Variants in GABRB1 observed in about 807,000 individuals in gnomAD.
GABRB1 encodes gamma-aminobutyric acid type A receptor subunit beta1.
Under a neutral mutation model 51.6 loss-of-function variants are expected in GABRB1, and 17 were observed. That is an observed-to-expected ratio of 0.33 (90% CI 0.23 to 0.49). GABRB1 has a LOEUF of 0.49. Ranked by LOEUF, GABRB1 falls within the 20% of genes least tolerant of loss-of-function variation. GABRB1 has a pLI of 0.99. For synonymous variants in GABRB1, 247 were observed against 218.9 expected (o/e 1.13, Z -1.14); for missense variants, 410 against 600.6 (o/e 0.68, Z 3.32).
rs150191375 is a variant in GABRB1 at position 47,266,843 on chromosome 4, T to C, written c.462-53284T>C. On this transcript the variant is annotated intron_variant, in intron 4 of 8. Coordinates refer to ENST00000295454, the MANE Select transcript of GABRB1 (RefSeq NM_000812.4). The stretch of plus-strand genomic sequence containing the variant: ...GTTCAGTGTTTCTTTGCTGATTTTC[T>C]GTCTTGATGATCTGCTTAATGCTTT... Among the ~76,000 whole-genome samples, 35 of 152,292 alleles carry C rather than the reference T, an allele frequency of 2.3e-4. No individual in the cohort carries two copies. The East Asian group carries it at 6.6e-3, about 29-fold the overall frequency.
At chr4:47,029,914 A>G (rs148265882), upstream of GABRB1, among the ~76,000 whole-genome samples, 162 of 152,250 alleles carry the variant, frequency 1.1e-3, 2 homozygotes, top group African/African-American at 3.4e-3. Context: ...CAGTTTCTAT[A>G]TAGCACAATA....
At chr4:47,370,482 A>G (rs1453872864) in intron 5 of GABRB1, among the ~76,000 whole-genome samples, 1 of 107,202 alleles carries the variant, frequency 9.3e-6, no homozygotes, top group Non-Finnish European at 2.1e-5. Flanking sequence ...ACGAGACTCC[A>G]TCTCAAAAAA....
In GABRB1 at chr4:47,350,760, C is replaced by CATCGTGT. The variant is rs1726298070; in HGVS notation, c.544+30551_544+30552insATCGTGT. On this transcript the variant is annotated intron_variant, in intron 5 of 8. Transcript: ENST00000295454. ...TAGAGTGCTATAAACCCTGATGACA[C>CATCGTGT]GATGCAAACAAATCAACTCTGGATT... 2.6e-5 allele frequency among the ~76,000 whole-genome samples: 4 copies of CATCGTGT among 152,062 alleles called. No individual in the cohort carries two copies. In the South Asian group the frequency reaches 8.3e-4, roughly 32 times the overall value.
intron 4 of GABRB1, among the ~76,000 whole-genome samples, chr4:47,181,958 C>T (rs1718967636): frequency 6.6e-6 from 1 of 151,970 alleles, no homozygotes; most frequent in African/African-American, 2.4e-5. Context: ...AGGGATCCAA[C>T]TGTGTTTGGA....
At chr4:47,164,302 C>A (rs979147912) in intron 4 of GABRB1, among the ~76,000 whole-genome samples, 1 of 152,000 alleles carries the variant, frequency 6.6e-6, no homozygotes, top group African/African-American at 2.4e-5. Context: ...ATTTTAATTC[C>A]CCTGATGTAA....
intron 1 of GABRB1, among the ~76,000 whole-genome samples, chr4:46,997,399 G>C (rs1724032432): frequency 6.7e-6 from 1 of 150,298 alleles, no homozygotes; most frequent in Non-Finnish European, 1.5e-5. Flanking sequence ...TTGTACATTA[G>C]ATCTTATTAT....
chr4:47,305,903 G>T (rs1420475022), intron 4 of GABRB1, among the ~76,000 whole-genome samples: 1 of 151,980 alleles, frequency 6.6e-6, no homozygotes, highest in Non-Finnish European at 1.5e-5. Flanking sequence ...AGATATTTTG[G>T]GATATTTTGG....
rs1476686797 is a variant in GABRB1, at chr4:47,095,356, G to A, written c.240+62872G>A. On this transcript the variant is annotated intron_variant, in intron 3 of 8. Coordinates refer to ENST00000295454, the MANE Select transcript of GABRB1 (RefSeq NM_000812.4). ...CAGTAGTCTGTGGGTGCAGCAATAC[G>A]TGAATGATACTGCAGTGCCAAGGAG... Among the ~76,000 whole-genome samples the A allele has an allele frequency of 5.3e-5, 8 of 152,158 alleles. 1 individual carries two copies. The highest frequency in any genetic ancestry group is 3.3e-4 in the Admixed American group (5 of 15,262).
At chr4:47,086,344 C>T (rs1728059615) in intron 3 of GABRB1, among the ~76,000 whole-genome samples, 3 of 152,118 alleles carry the variant, frequency 2.0e-5, no homozygotes, top group South Asian at 4.2e-4. Context: ...TTTTATTTTC[C>T]TTCAAGATAA....
chr4:47,151,482 A>G (rs1040235978), intron 3 of GABRB1, among the ~76,000 whole-genome samples: 4 of 152,010 alleles, frequency 2.6e-5, no homozygotes, highest in Non-Finnish European at 5.9e-5. Context: ...TCCTTTCTCA[A>G]TTTAGCTTGC....
intron 4 of GABRB1, among the ~76,000 whole-genome samples, chr4:47,256,765 A>G (rs1722218006): frequency 6.6e-6 from 1 of 152,164 alleles, no homozygotes; most frequent in African/African-American, 2.4e-5. Flanking sequence ...GAAGAACAGC[A>G]AGAGGGAAGT....
intron 5 of GABRB1, among the ~76,000 whole-genome samples, chr4:47,350,212 TATATATAG>T (rs1432523373): frequency 0.025 from 2,144 of 85,060 alleles, 13 homozygotes; most frequent in Middle Eastern, 0.078. Flanking sequence ...TATATATATA[TATATATAG>T]AGAGAGAGAG....
intron 3 of GABRB1, among the ~76,000 whole-genome samples, chr4:47,119,802 C>A (rs1176847169): frequency 6.6e-6 from 1 of 151,760 alleles, no homozygotes; most frequent in African/African-American, 2.4e-5. Flanking sequence ...AGCCACTGGG[C>A]AGAACATTTT....
intron 5 of GABRB1, among the ~76,000 whole-genome samples, chr4:47,371,325 C>T (rs4695223): frequency 0.54 from 81,646 of 151,586 alleles, 22,551 homozygotes; most frequent in African/African-American, 0.62. Context: ...ATTTTCTTTA[C>T]CCAGTCTATC....
At chr4:47,015,573 A>G (rs375205345) in intron 1 of GABRB1, among the ~76,000 whole-genome samples, 1 of 152,330 alleles carries the variant, frequency 6.6e-6, no homozygotes, top group East Asian at 1.9e-4. Context: ...TAACTACACT[A>G]AAGTGAGAGC....
chr4:47,153,988 T>C (rs536588006), intron 3 of GABRB1, among the ~76,000 whole-genome samples: 22 of 152,060 alleles, frequency 1.4e-4, no homozygotes, highest in Admixed American at 9.8e-4. Flanking sequence ...GACTAAGGAA[T>C]AAGCACAACA....
At chr4:47,306,735 CTTCTT>C (rs1724485966) in intron 4 of GABRB1, among the ~76,000 whole-genome samples, 1 of 152,038 alleles carries the variant, frequency 6.6e-6, no homozygotes, top group African/African-American at 2.4e-5. Flanking sequence ...GTAAGCATCT[CTTCTT>C]TTTTTTGTTT....
At chr4:47,420,768 G>A (rs1315596383) in intron 8 of GABRB1, among the ~76,000 whole-genome samples, 1 of 152,090 alleles carries the variant, frequency 6.6e-6, no homozygotes, top group Non-Finnish European at 1.5e-5. Flanking sequence ...TGAGGCAAAG[G>A]GAAAGCCACT....
intron 4 of GABRB1, among the ~76,000 whole-genome samples, chr4:47,190,248 T>A (rs947703408): frequency 1.3e-5 from 2 of 152,116 alleles, no homozygotes; most frequent in African/African-American, 4.8e-5. Context: ...TTGTTATGTG[T>A]CATAAGATGT....
Sources: gnomAD v4.1 joint callset for allele counts (sites outside exome capture counted in the v4.1 genomes callset) on GRCh38, gnomAD v4.1.1 for gene constraint, MANE v1.5 for transcripts, NCBI Gene and HGNC (gene_info 2026-07-23, HGNC 2026-07-21) for gene names.